CCBE1: variants seen among roughly 807,000 people sequenced by gnomAD.
CCBE1 encodes collagen and calcium binding EGF domains 1.
Under a neutral mutation model 50.0 loss-of-function variants are expected in CCBE1, and 37 were observed. The ratio of observed to expected loss-of-function variants is 0.74; its 90% CI spans 0.57 to 0.97. The LOEUF (loss-of-function observed/expected upper bound fraction) is 0.97, where lower values mean the gene tolerates loss of function less well. CCBE1 is among the 50% of genes least tolerant of loss of function. The probability of loss-of-function intolerance (pLI) is 0.00; values close to 1 mark genes in which losing one functional copy is unlikely to be tolerated. For missense variants in CCBE1, 538 were observed against 523.8 expected, an observed-to-expected ratio of 1.03 and a Z score of -0.26; for synonymous variants, 234 against 203.7, an observed-to-expected ratio of 1.15 and a Z score of -1.27.
intron 2 of CCBE1, among the ~76,000 whole-genome samples, chr18:59,630,481 G>A (rs562178303): frequency 6.6e-6 from 1 of 152,282 alleles, no homozygotes; most frequent in South Asian, 2.1e-4. Flanking sequence ...TCAAGGATTT[G>A]GGCAAGGCTC....
chr18:59,680,430 G>A (rs2054572250), intron 2 of CCBE1, among the ~76,000 whole-genome samples: 1 of 151,814 alleles, frequency 6.6e-6, no homozygotes, highest in Non-Finnish European at 1.5e-5. Context: ...GCCAGGCGCG[G>A]TGGTTTGCAT....
At chr18:59,518,118 A>C in intron 2 of CCBE1, among the ~76,000 whole-genome samples, 1 of 152,176 alleles carries the variant, frequency 6.6e-6, no homozygotes. Context: ...GTTAATCAAC[A>C]CTTTGTTTCC....
intron 2 of CCBE1, among the ~76,000 whole-genome samples, chr18:59,630,019 T>C (rs2053831704): frequency 6.6e-6 from 1 of 152,246 alleles, no homozygotes; most frequent in Non-Finnish European, 1.5e-5. Flanking sequence ...CTACTTTCTA[T>C]TTTGCAATAC....
Position 59,627,335 on chromosome 18 carries a change from C to T in CCBE1, c.212+69294G>A, listed in dbSNP as rs111958193. Among the ~76,000 whole-genome samples, 1,038 of 152,270 alleles carry T rather than the reference C, an allele frequency of 6.8e-3. 8 individuals carry two copies. Among genetic ancestry groups the T allele is most frequent in the Admixed American group, 0.018 (273 of 15,304 alleles). On this transcript the variant is annotated intron_variant, in intron 2 of 10. Transcript: ENST00000439986. ...CAAAAGGAGAAAGAAATATGAATTA[C>T]TAAAACGATTTTAACTGAGTTATTT...
At chr18:59,594,886 G>C (rs573879516) in intron 2 of CCBE1, among the ~76,000 whole-genome samples, 1 of 151,984 alleles carries the variant, frequency 6.6e-6, no homozygotes, top group Non-Finnish European at 1.5e-5. Flanking sequence ...GGCCGAGGAG[G>C]GTGGATCACG....
chr18:59,693,890 T>TTTTTTTTTTTG (rs2054770676), intron 2 of CCBE1, among the ~76,000 whole-genome samples: 1 of 143,624 alleles, frequency 7.0e-6, no homozygotes, highest in African/African-American at 2.7e-5. Flanking sequence ...TTTTTTTTTT[T>TTTTTTTTTTTG]GAGACAGAGT....
intron 2 of CCBE1, among the ~76,000 whole-genome samples, chr18:59,540,258 A>G (rs973282117): frequency 4.6e-5 from 7 of 152,204 alleles, no homozygotes; most frequent in Admixed American, 1.3e-4. Context: ...GTTGGTTTTT[A>G]GTATTCATAA....
At chr18:59,590,880 G>T (rs1403906852) in intron 2 of CCBE1, among the ~76,000 whole-genome samples, 1 of 147,810 alleles carries the variant, frequency 6.8e-6, no homozygotes, top group Non-Finnish European at 1.5e-5. Flanking sequence ...GATCTGAGGT[G>T]TAAGTGTGAA....
intron 2 of CCBE1, among the ~76,000 whole-genome samples, chr18:59,497,866 C>G (rs1378395488): frequency 6.6e-6 from 1 of 152,216 alleles, no homozygotes; most frequent in Non-Finnish European, 1.5e-5. Flanking sequence ...CCCAGCCAAT[C>G]CAGCCGCCTC....
intron 7 of CCBE1, among the ~76,000 whole-genome samples, chr18:59,443,167 C>G (rs1213079015): frequency 6.6e-6 from 1 of 152,194 alleles, no homozygotes; most frequent in Non-Finnish European, 1.5e-5. Context: ...CTTTAGGCAT[C>G]ATCTATCTTG....
chr18:59,445,905 C>T (rs1910647598), intron 7 of CCBE1, among the ~76,000 whole-genome samples: 1 of 152,174 alleles, frequency 6.6e-6, no homozygotes, highest in African/African-American at 2.4e-5. Context: ...GCAGCAGCCG[C>T]CCCCTTACCA....
intron 2 of CCBE1, among the ~76,000 whole-genome samples, chr18:59,506,126 G>T (rs1326622680): frequency 6.6e-6 from 1 of 152,168 alleles, no homozygotes; most frequent in Non-Finnish European, 1.5e-5. Flanking sequence ...GGATTAGGAT[G>T]GACCCTAAAT....
chr18:59,449,065 A>G (rs1910811749), intron 6 of CCBE1, among the ~76,000 whole-genome samples: 1 of 152,156 alleles, frequency 6.6e-6, no homozygotes, highest in South Asian at 2.1e-4. Flanking sequence ...CTGAAGCCTG[A>G]TCCAATTTTA....
intron 3 of CCBE1, among the ~76,000 whole-genome samples, chr18:59,477,567 C>T (rs574554707): frequency 2.7e-4 from 36 of 135,782 alleles, no homozygotes; most frequent in Non-Finnish European, 4.2e-4. Context: ...TGTGTGTGTG[C>T]ACCTGCATGC....
intron 2 of CCBE1, among the ~76,000 whole-genome samples, chr18:59,630,309 C>T (rs112427000): frequency 0.012 from 1,810 of 151,324 alleles, 37 homozygotes; most frequent in East Asian, 0.037. Context: ...CCTTCATAAA[C>T]AGCTCTTTTT....
At chr18:59,439,599 G>A in intron 8 of CCBE1, 21 bp from the exon 9 acceptor site, 1 of 1,614,240 alleles carries the variant, frequency 6.2e-7, no homozygotes, top group Non-Finnish European at 8.5e-7. Flanking sequence ...AAAGGATCTG[G>A]TTTAACCACA....
chr18:59,579,592 T>A (rs967669914), intron 2 of CCBE1, among the ~76,000 whole-genome samples: 1 of 152,206 alleles, frequency 6.6e-6, no homozygotes, highest in African/African-American at 2.4e-5. Flanking sequence ...TGTCCACATT[T>A]ATGACAACGG....
intron 2 of CCBE1, among the ~76,000 whole-genome samples, chr18:59,670,862 C>T (rs1438584710): frequency 1.3e-5 from 2 of 152,106 alleles, no homozygotes; most frequent in East Asian, 1.9e-4. Flanking sequence ...CCAGGAGAAT[C>T]ACTTGAGCCC....
Position 59,432,765 on chromosome 18 carries a change from A to C in CCBE1, c.*3143T>G, listed in dbSNP as rs886054047. ...ACCCAGACAATACTACTTTCCATTA[A>C]TTCTTTTAATATATTATTCTAGCCT... is the stretch of plus-strand genomic sequence containing the variant. On this transcript the variant is annotated 3_prime_UTR_variant, in exon 11 of 11. Transcript: ENST00000439986. 1.3e-5 allele frequency: 2 copies of C among 152,204 alleles called. No homozygotes were observed. The highest frequency in any genetic ancestry group is 2.9e-5 in the Non-Finnish European group (2 of 68,034). The allele number at this position is 152,204 out of a possible 1,614,324, so 9.4% of individuals were successfully genotyped here. A position where few individuals can be genotyped will look rare whatever the true frequency, so the allele number is the denominator to read the frequency against.
Sources: allele counts gnomAD v4.1 joint callset (sites outside exome capture counted in the v4.1 genomes callset), GRCh38; gene constraint gnomAD v4.1.1; transcripts MANE v1.5; gene names NCBI Gene and HGNC (gene_info 2026-07-23, HGNC 2026-07-21).